LEF1: variants seen among roughly 807,000 people sequenced by gnomAD.
LEF1 encodes lymphoid enhancer-binding factor 1.
A neutral mutation model predicts 51.2 loss-of-function variants in LEF1; 14 were observed. The observed-to-expected ratio is 0.27, with a 90% CI of 0.18 to 0.43. LEF1 has a LOEUF of 0.43. Ranked by LOEUF, LEF1 falls within the 20% of genes least tolerant of loss-of-function variation. The pLI, the probability that LEF1 is intolerant of heterozygous loss-of-function variation, is 1.00. For missense variants in LEF1, 386 were observed against 512.0 expected, an observed-to-expected ratio of 0.75 and a Z score of 2.37; for synonymous variants, 185 against 183.2, an observed-to-expected ratio of 1.01 and a Z score of -0.08.
intron 6 of LEF1, among the ~76,000 whole-genome samples, 197 bp from the exon 7 acceptor site, chr4:108,079,811 A>T (rs1739167412): frequency 6.6e-6 from 1 of 152,204 alleles, no homozygotes; most frequent in Non-Finnish European, 1.5e-5. Context: ...AAAAAAAGTG[A>T]ATCATTTTTC....
chr4:108,064,882 C>A (rs950428585), intron 9 of LEF1, among the ~76,000 whole-genome samples: 1 of 152,040 alleles, frequency 6.6e-6, no homozygotes, highest in African/African-American at 2.4e-5. Flanking sequence ...TTAAGATAAA[C>A]CTTACTGTGA....
chr4:108,152,121 T>C (rs372059429), intron 3 of LEF1, among the ~76,000 whole-genome samples: 3 of 151,582 alleles, frequency 2.0e-5, no homozygotes, highest in South Asian at 2.1e-4. Context: ...AAAGAGAGAG[T>C]AGTCACTCTT....
intron 3 of LEF1, among the ~76,000 whole-genome samples, chr4:108,095,055 G>C (rs1000852826): frequency 6.6e-6 from 1 of 152,168 alleles, no homozygotes; most frequent in African/African-American, 2.4e-5. Context: ...CCAAACACCT[G>C]CTTCAGGTCT....
At chr4:108,079,465 C>A in intron 7 of LEF1, 27 bp downstream of exon 7, 1 of 1,613,494 alleles carries the variant, frequency 6.2e-7, no homozygotes, top group Non-Finnish European at 8.5e-7. Flanking sequence ...CTAAGGCAAT[C>A]ACAGCAGAGC....
intron 8 of LEF1, among the ~76,000 whole-genome samples, chr4:108,075,097 T>C (rs1738758297): frequency 6.6e-6 from 1 of 152,208 alleles, no homozygotes; most frequent in South Asian, 2.1e-4. Context: ...TCTGCCATGA[T>C]CTGGCTTGGG....
At chr4:108,111,381 T>C (rs1177888781) in intron 3 of LEF1, among the ~76,000 whole-genome samples, 1 of 152,184 alleles carries the variant, frequency 6.6e-6, no homozygotes, top group East Asian at 1.9e-4. Flanking sequence ...ACCCAGCCAA[T>C]GAACTGCATC....
chr4:108,104,472 A>C (rs1741023514), intron 3 of LEF1, among the ~76,000 whole-genome samples: 1 of 147,648 alleles, frequency 6.8e-6, no homozygotes, highest in South Asian at 2.1e-4. Context: ...AATTATATAT[A>C]TAAAATATAT....
In LEF1 at chr4:108,165,193, A is replaced by G. The variant is rs775194015; in HGVS notation, c.214-30T>C. On this transcript the variant is annotated intron_variant, in intron 1 of 11. Transcript: ENST00000265165. ...CATCATGAATCCCCACACCCAAAAG[A>G]AAGAAAATCACCTTAGAGTTTGTGA... 3.1e-6 allele frequency: 5 copies of G among 1,598,184 alleles called. No individual in the cohort carries two copies. The South Asian group carries it at 5.5e-5, about 18-fold the overall frequency.
intron 3 of LEF1, among the ~76,000 whole-genome samples, chr4:108,101,344 C>G (rs1740812343): frequency 1.3e-5 from 2 of 152,148 alleles, no homozygotes; most frequent in Admixed American, 1.3e-4. Flanking sequence ...TGCACAGAAG[C>G]TGACATTGGG....
intron 8 of LEF1, 72 bp downstream of exon 8, chr4:108,078,148 T>C (rs1739038212): frequency 6.9e-7 from 1 of 1,445,070 alleles, no homozygotes; most frequent in Non-Finnish European, 9.6e-7. Context: ...GATATGGGAT[T>C]AAATTGGGGC....
In LEF1 at chr4:108,166,943, C is replaced by T. The variant is rs752998853; in HGVS notation, c.213+612G>A. 182 of 461,738 alleles carry T rather than the reference C, an allele frequency of 3.9e-4. 1 individual carries two copies. The highest frequency in any genetic ancestry group is 5.1e-4 in the Non-Finnish European group (180 of 351,510). The allele number at this position is 461,738 out of a possible 1,614,324, so 28.6% of individuals were successfully genotyped here. On this transcript the variant is annotated intron_variant, in intron 1 of 11. Coordinates refer to ENST00000265165, the MANE Select transcript of LEF1 (RefSeq NM_016269.5). ...AGGCGCTGGGGCCGCAGGGACTGAA[C>T]CCCGCACCGCCCCCGCAGCCCGGGT...
intron 3 of LEF1, among the ~76,000 whole-genome samples, chr4:108,126,821 A>G (rs1742569694): frequency 6.6e-6 from 1 of 151,224 alleles, no homozygotes; most frequent in Admixed American, 6.6e-5. Flanking sequence ...AAAAAAAAAA[A>G]AAAGAATAGG....
At chr4:108,090,476 C>A (rs962302327) in intron 3 of LEF1, among the ~76,000 whole-genome samples, 3 of 151,950 alleles carry the variant, frequency 2.0e-5, no homozygotes, top group South Asian at 2.1e-4. Context: ...GTTGTTCCCC[C>A]CAACCCAAAA....
At chr4:108,144,425 A>C (rs1221387093) in intron 3 of LEF1, among the ~76,000 whole-genome samples, 1 of 152,210 alleles carries the variant, frequency 6.6e-6, no homozygotes, top group African/African-American at 2.4e-5. Flanking sequence ...TATCAAGCAG[A>C]TCCCCCTGGG....
At chr4:108,123,317 A>G (rs1742291370) in intron 3 of LEF1, among the ~76,000 whole-genome samples, 1 of 152,072 alleles carries the variant, frequency 6.6e-6, no homozygotes, top group African/African-American at 2.4e-5. Context: ...CTAGTCAGTG[A>G]CAGCACTTGA....
intron 8 of LEF1, among the ~76,000 whole-genome samples, chr4:108,077,604 G>A (rs1266641447): frequency 9.4e-5 from 10 of 105,882 alleles, no homozygotes; most frequent in South Asian, 3.8e-4. Flanking sequence ...GCCTCTGCCC[G>A]GCTGCCGCCC....
intron 3 of LEF1, among the ~76,000 whole-genome samples, chr4:108,127,465 G>T (rs1742619663): frequency 6.6e-6 from 1 of 152,168 alleles, no homozygotes; most frequent in African/African-American, 2.4e-5. Context: ...GGAGAAAGAA[G>T]TGGCAAGAAA....
chr4:108,156,410 A>G (rs1038338443), intron 3 of LEF1, among the ~76,000 whole-genome samples: 1 of 152,252 alleles, frequency 6.6e-6, no homozygotes, highest in African/African-American at 2.4e-5. Context: ...AAGTAAAATA[A>G]TCAAATACTA....
At chr4:108,097,575 G>T (rs1435459302) in intron 3 of LEF1, among the ~76,000 whole-genome samples, 1 of 152,146 alleles carries the variant, frequency 6.6e-6, no homozygotes, top group Non-Finnish European at 1.5e-5. Context: ...AACTAAAAGA[G>T]TGGAATTGGA....
Sources: allele counts gnomAD v4.1 joint callset (sites outside exome capture counted in the v4.1 genomes callset), GRCh38; gene constraint gnomAD v4.1.1; transcripts MANE v1.5; gene names NCBI Gene and HGNC (gene_info 2026-07-23, HGNC 2026-07-21).